The following OSBPL9 variants were observed in gnomAD, a reference collection of about 807,000 sequenced individuals.
OSBPL9 encodes the protein oxysterol-binding protein-related protein 9.
A neutral mutation model predicts 106.6 loss-of-function variants in OSBPL9; 40 were observed. The ratio of observed to expected loss-of-function variants is 0.38; its 90% CI spans 0.29 to 0.49. The LOEUF (loss-of-function observed/expected upper bound fraction) is 0.49, where lower values mean the gene tolerates loss of function less well. OSBPL9 is among the 20% of genes least tolerant of loss of function. The pLI is 0.97. For missense variants in OSBPL9, 609 were observed against 887.2 expected, an observed-to-expected ratio of 0.69 and a Z score of 3.98; for synonymous variants, 269 against 295.4, an observed-to-expected ratio of 0.91 and a Z score of 0.92.
intron 1 of OSBPL9, among the ~76,000 whole-genome samples, chr1:51,623,713 T>TA (rs59845701): frequency 0.23 from 35,534 of 152,044 alleles, 5,896 homozygotes; most frequent in African/African-American, 0.46. Flanking sequence ...TAGTAGATGA[T>TA]AAAAAAATCT....
At chr1:51,694,285 G>A (rs1655580160) in intron 3 of OSBPL9, among the ~76,000 whole-genome samples, 1 of 152,144 alleles carries the variant, frequency 6.6e-6, no homozygotes, top group Non-Finnish European at 1.5e-5. Flanking sequence ...TGAGAAGAAT[G>A]GCATCATGTT....
chr1:51,519,584 C>T, the OSBPL9 span, among the ~76,000 whole-genome samples: 1 of 152,134 alleles, frequency 6.6e-6, no homozygotes, highest in South Asian at 2.1e-4. Flanking sequence ...GGCCACCTAC[C>T]TACGCTGAGC....
the OSBPL9 span, among the ~76,000 whole-genome samples, chr1:51,527,287 G>A: frequency 6.6e-6 from 1 of 152,122 alleles, no homozygotes; most frequent in African/African-American, 2.4e-5. Flanking sequence ...TCTGAGACAT[G>A]GGGAGTAAGT....
At chr1:51,521,338 C>A in the OSBPL9 span, among the ~76,000 whole-genome samples, 2 of 152,146 alleles carry the variant, frequency 1.3e-5, no homozygotes, top group African/African-American at 4.8e-5. Context: ...AGTATAATTT[C>A]ACTTGCTATT....
At chr1:51,660,305 A>G (rs1356026356) in intron 2 of OSBPL9, among the ~76,000 whole-genome samples, 1 of 152,192 alleles carries the variant, frequency 6.6e-6, no homozygotes, top group Non-Finnish European at 1.5e-5. Flanking sequence ...GGATTTGACA[A>G]CATTCAAAAT....
chr1:51,713,765 T>C (rs1194112071), intron 3 of OSBPL9, among the ~76,000 whole-genome samples: 1 of 152,206 alleles, frequency 6.6e-6, no homozygotes, highest in Non-Finnish European at 1.5e-5. Context: ...AGTGGGAAGG[T>C]TGGTCTGAAC....
the OSBPL9 span, among the ~76,000 whole-genome samples, chr1:51,548,908 T>G: frequency 6.6e-6 from 1 of 152,202 alleles, no homozygotes; most frequent in South Asian, 2.1e-4. Context: ...CAGACATTTA[T>G]AGTAAACAAT....
chr1:51,557,302 A>G, the OSBPL9 span, among the ~76,000 whole-genome samples: 1 of 152,198 alleles, frequency 6.6e-6, no homozygotes, highest in African/African-American at 2.4e-5. Flanking sequence ...ATTTTTAACA[A>G]TTGGTTTTTA....
At chr1:51,750,597 T>C (rs1380596012) in intron 8 of OSBPL9, among the ~76,000 whole-genome samples, 2 of 152,238 alleles carry the variant, frequency 1.3e-5, no homozygotes, top group East Asian at 3.8e-4. Context: ...ACGGATTTTT[T>C]TCTGGTAGTG....
chr1:51,776,801 ATCT>A (rs777817820), intron 14 of OSBPL9, 29 bp from the exon 15 acceptor site: 1 of 1,382,468 alleles, frequency 7.2e-7, no homozygotes, highest in South Asian at 1.2e-5. Flanking sequence ...GAGAAATTTG[ATCT>A]TCAAGGGTCA....
At chr1:51,588,307 C>T (rs1274216438) in intron 1 of OSBPL9, among the ~76,000 whole-genome samples, 1 of 152,112 alleles carries the variant, frequency 6.6e-6, no homozygotes, top group Non-Finnish European at 1.5e-5. Flanking sequence ...GCTTGAACCT[C>T]GGAGGCTGAA....
chr1:51,583,592 A>G (rs1386271541), intron 1 of OSBPL9: 1 of 152,274 alleles, frequency 6.6e-6, no homozygotes, highest in Non-Finnish European at 1.5e-5. Context: ...TGGAAAGGCC[A>G]GCTGGATCAG....
intron 2 of OSBPL9, among the ~76,000 whole-genome samples, chr1:51,610,556 T>C (rs1195442100): frequency 6.6e-6 from 1 of 152,222 alleles, no homozygotes; most frequent in African/African-American, 2.4e-5. Context: ...TATTGTTATA[T>C]TGGAGATAGA....
intron 4 of OSBPL9, among the ~76,000 whole-genome samples, chr1:51,732,335 G>C (rs577844664): frequency 6.6e-6 from 1 of 152,294 alleles, no homozygotes. Flanking sequence ...TTATACTGTA[G>C]AGCGAAAACA....
At chr1:51,647,857 G>A (rs1327198981) in intron 1 of OSBPL9, among the ~76,000 whole-genome samples, 1 of 152,022 alleles carries the variant, frequency 6.6e-6, no homozygotes, top group East Asian at 1.9e-4. Context: ...GCTCGCACCT[G>A]TAGTCCCAGC....
intron 3 of OSBPL9, among the ~76,000 whole-genome samples, chr1:51,706,562 T>G (rs1658578425): frequency 6.6e-6 from 1 of 151,996 alleles, no homozygotes; most frequent in African/African-American, 2.4e-5. Flanking sequence ...GACCTATCTA[T>G]TGAATGTTTG....
chr1:51,553,959 G>T, the OSBPL9 span, among the ~76,000 whole-genome samples: 1 of 152,150 alleles, frequency 6.6e-6, no homozygotes, highest in Non-Finnish European at 1.5e-5. Context: ...GATTACAGGC[G>T]TGAGCCACCC....
the OSBPL9 span, among the ~76,000 whole-genome samples, chr1:51,558,345 G>A: frequency 6.6e-6 from 1 of 151,866 alleles, no homozygotes. Flanking sequence ...CTTGCTTGGG[G>A]ACCAGACTGC....
At position 51,784,322 on chromosome 1, in the gene OSBPL9, T is replaced by G; in HGVS notation, c.1683T>G (p.Tyr561Ter). ...EHYILTFPNG[Y>*]GRSILTVPWV... ...ACATTCTCACATTCCCCAATGGCTA[T>G]GGAAGGCAAGTGTGTCCATTTCCTC... is the stretch of plus-strand genomic sequence containing the variant. Residue 561 changes from tyrosine to a stop codon, truncating the protein, a stop_gained, in exon 19 of 24, where the codon TAT becomes TAG. Coordinates refer to ENST00000428468, the MANE Select transcript of OSBPL9 (RefSeq NM_024586.6). LOFTEE classifies it high-confidence loss of function. The G allele has an allele frequency of 6.2e-7, 1 of 1,613,792 alleles. No individual in the cohort carries two copies. Among genetic ancestry groups the G allele is most frequent in the Non-Finnish European group, 8.5e-7 (1 of 1,179,662 alleles).
Sources: allele counts gnomAD v4.1 joint callset (sites outside exome capture counted in the v4.1 genomes callset), GRCh38; gene constraint gnomAD v4.1.1; transcripts MANE v1.5; gene names NCBI Gene and HGNC (gene_info 2026-07-23, HGNC 2026-07-21).